Variants in BTBD3 observed in about 807,000 individuals in gnomAD.
The protein encoded by BTBD3 is BTB domain containing 3.
Under a neutral mutation model 41.6 loss-of-function variants are expected in BTBD3, and 14 were observed. That is an observed-to-expected ratio of 0.34 (90% confidence interval 0.22 to 0.53). The LOEUF (loss-of-function observed/expected upper bound fraction) is 0.53, where lower values mean the gene tolerates loss of function less well. BTBD3 is among the 20% of genes least tolerant of loss of function. BTBD3 has a pLI of 0.95. For missense variants in BTBD3, 426 were observed against 654.7 expected (o/e 0.65, Z 3.81); for synonymous variants, 249 against 233.7 (o/e 1.07, Z -0.60).
chr20:11,898,271 T>TA (rs2056801177), intron 1 of BTBD3, among the ~76,000 whole-genome samples: 1 of 152,184 alleles, frequency 6.6e-6, no homozygotes, highest in Admixed American at 6.5e-5. Context: ...CAGCCTTCCT[T>TA]ACCTCCTTGC....
chr20:11,922,511 T>A, intron 3 of BTBD3, 123 bp from the exon 4 acceptor site: 1 of 751,778 alleles, frequency 1.3e-6, no homozygotes, highest in Non-Finnish European at 2.2e-6. Context: ...TCTGCAAATA[T>A]GTTTGTATTA....
Position 11,894,250 on chromosome 20 carries a change from A to G in BTBD3, c.-126+3296A>G, listed in dbSNP as rs369221066. 5.9e-5 allele frequency among the ~76,000 whole-genome samples: 9 copies of G among 152,346 alleles called. No individual in the cohort carries two copies. In the East Asian group the frequency reaches 1.7e-3, roughly 29 times the overall value. On this transcript the variant is annotated intron_variant, in intron 1 of 4. Coordinates refer to the BTBD3 transcript ENST00000254977. ...GTGGACACACAGGTGGAGCTGAGAA[A>G]AATGCCCTTGTCTGAAAGTTTAAAT...
At chr20:11,902,215 AG>A (rs2056828166) in intron 1 of BTBD3, among the ~76,000 whole-genome samples, 1 of 152,194 alleles carries the variant, frequency 6.6e-6, no homozygotes, top group Non-Finnish European at 1.5e-5. Context: ...ACAATAAACT[AG>A]GGAAAATAAT....
chr20:11,901,516 T>G (rs879808730), intron 1 of BTBD3, among the ~76,000 whole-genome samples: 2 of 152,218 alleles, frequency 1.3e-5, no homozygotes, highest in East Asian at 3.9e-4. Flanking sequence ...CAGCACCTAC[T>G]TAATAAATGC....
intron 1 of BTBD3, 142 bp downstream of exon 1, chr20:11,918,743 T>C: frequency 1.1e-6 from 1 of 932,554 alleles, no homozygotes; most frequent in Non-Finnish European, 1.6e-6. Flanking sequence ...AATTGCCTTG[T>C]ATCTTTTCCA....
chr20:11,906,743 G>A (rs2056857287), intron 1 of BTBD3, among the ~76,000 whole-genome samples: 1 of 152,160 alleles, frequency 6.6e-6, no homozygotes. Flanking sequence ...TCTGAAATGA[G>A]ACATCGCCCA....
chr20:11,896,271 A>T (rs2056786641), intron 1 of BTBD3, among the ~76,000 whole-genome samples: 1 of 152,088 alleles, frequency 6.6e-6, no homozygotes, highest in South Asian at 2.1e-4. Flanking sequence ...TGTTTTTGTT[A>T]CTTTGTGATG....
At chr20:11,904,885 T>C (rs2056844493) in intron 1 of BTBD3, among the ~76,000 whole-genome samples, 1 of 152,234 alleles carries the variant, frequency 6.6e-6, no homozygotes, top group African/African-American at 2.4e-5. Flanking sequence ...TTGTTATACT[T>C]TAAATCCATT....
rs563037294 is a variant in BTBD3 at position 11,901,034 on chromosome 20, T to C, written c.-126+10080T>C. 4.5e-4 allele frequency among the ~76,000 whole-genome samples: 68 copies of C among 152,286 alleles called. 1 individual carries two copies. The highest frequency in any genetic ancestry group is 1.6e-3 in the African/African-American group (67 of 41,564). On this transcript the variant is annotated intron_variant, in intron 1 of 4. Transcript: ENST00000254977. ...CCAAAGTCCATCTACAAATTTAATG[T>C]GTTGTTGGAGAATGATCTATATTCC...
chr20:11,904,648 T>C (rs1000904451), intron 1 of BTBD3, among the ~76,000 whole-genome samples: 80 of 152,316 alleles, frequency 5.3e-4, no homozygotes, highest in African/African-American at 1.9e-3. Context: ...AATATACTTT[T>C]GTCAAAATTT....
At chr20:11,894,580 TA>T (rs1307503119) in intron 1 of BTBD3, among the ~76,000 whole-genome samples, 5 of 152,148 alleles carry the variant, frequency 3.3e-5, no homozygotes, top group African/African-American at 1.2e-4. Context: ...AGTGGTGATT[TA>T]AAAAAATTAA....
chr20:11,895,967 C>G (rs991595247), intron 1 of BTBD3, among the ~76,000 whole-genome samples: 2 of 152,116 alleles, frequency 1.3e-5, no homozygotes. Context: ...CCTTGGGTCT[C>G]TATGTCTTCT....
At chr20:11,915,422 A>G (rs1276389345), upstream of BTBD3, among the ~76,000 whole-genome samples, 3 of 152,236 alleles carry the variant, frequency 2.0e-5, no homozygotes, top group Admixed American at 2.0e-4. Context: ...TGAATGCAAC[A>G]TATGGCACCA....
At chr20:11,905,641 T>C (rs1018437358) in intron 1 of BTBD3, among the ~76,000 whole-genome samples, 1 of 152,254 alleles carries the variant, frequency 6.6e-6, no homozygotes, top group Non-Finnish European at 1.5e-5. Flanking sequence ...GTGACTTTAC[T>C]GCTCCTTTGG....
intron 1 of BTBD3, among the ~76,000 whole-genome samples, chr20:11,898,345 C>T (rs949967104): frequency 2.0e-5 from 3 of 151,886 alleles, no homozygotes; most frequent in Non-Finnish European, 4.4e-5. Flanking sequence ...TTTCCTCTGC[C>T]TATAATATTT....
chr20:11,915,107 A>G (rs1375991889), upstream of BTBD3, among the ~76,000 whole-genome samples: 3 of 152,208 alleles, frequency 2.0e-5, no homozygotes, highest in Non-Finnish European at 4.4e-5. Flanking sequence ...GTTGAAATAC[A>G]ATTGTGAAGT....
Position 11,908,321 on chromosome 20 carries a change from G to GTTTTTTGT in BTBD3, c.-125-10007_-125-10006insGTTTTTTT, listed in dbSNP as rs2056868666. Among the ~76,000 whole-genome samples the GTTTTTTGT allele has an allele frequency of 1.7e-4, 13 of 77,072 alleles. 1 individual carries two copies. The South Asian group carries it at 5.9e-3, about 35-fold the overall frequency. 50.6% of individuals were successfully genotyped at this position (77,072 alleles called of 152,430 possible). ...ATGGTGGAGTGGTTGCTTCTCTGTG[G>GTTTTTTGT]TTTTTTTTTTTTTTTTTTAAATAAG... On this transcript the variant is annotated intron_variant, in intron 1 of 4. Coordinates refer to the BTBD3 transcript ENST00000254977.
At chr20:11,912,442 T>A (rs2056894906) in intron 1 of BTBD3, among the ~76,000 whole-genome samples, 1 of 152,208 alleles carries the variant, frequency 6.6e-6, no homozygotes, top group South Asian at 2.1e-4. Context: ...ACAGCACAAA[T>A]CTTGCTTATT....
chr20:11,894,668 ATTT>A (rs1463688176), intron 1 of BTBD3, among the ~76,000 whole-genome samples: 1 of 150,166 alleles, frequency 6.7e-6, no homozygotes, highest in Non-Finnish European at 1.5e-5. Context: ...ACAGGCCATT[ATTT>A]CTTTCACTTT....
Sources: allele counts gnomAD v4.1 joint callset (sites outside exome capture counted in the v4.1 genomes callset), GRCh38; gene constraint gnomAD v4.1.1; transcripts MANE v1.5; gene names NCBI Gene and HGNC (gene_info 2026-07-23, HGNC 2026-07-21).